The following MANBA variants were observed in gnomAD, a reference collection of about 807,000 sequenced individuals.
MANBA encodes mannosidase beta.
MANBA carries 83 observed loss-of-function variants against 111.1 expected under a neutral mutation model. The ratio of observed to expected loss-of-function variants is 0.75; its 90% CI spans 0.63 to 0.90. MANBA has a LOEUF of 0.90. Ranked by LOEUF, MANBA falls within the 40% of genes least tolerant of loss-of-function variation. MANBA has a pLI of 0.00. For missense variants in MANBA, 1,036 were observed against 1,069.0 expected, an observed-to-expected ratio of 0.97 and a Z score of 0.43; for synonymous variants, 370 against 378.7, an observed-to-expected ratio of 0.98 and a Z score of 0.27.
At position 102,634,044 on chromosome 4, in the gene MANBA, G is replaced by T. The variant is rs376793528; in HGVS notation, c.2415+744C>A. On this transcript the variant is annotated intron_variant, in intron 16 of 16. Transcript: ENST00000647097. ...AACAGAGAATGTAACTTTCTAGAAAGATATTTCCTGAGTGTCCAGAAGATA... is the reference window on the plus strand; with the variant it reads ...AACAGAGAATGTAACTTTCTAGAAATATATTTCCTGAGTGTCCAGAAGATA... Among the ~76,000 whole-genome samples the T allele has an allele frequency of 7.2e-5, 11 of 152,268 alleles. 1 individual carries two copies. The East Asian group carries it at 1.3e-3, about 19-fold the overall frequency.
At chr4:102,692,813 C>A (rs1418548488) in intron 5 of MANBA, among the ~76,000 whole-genome samples, 1 of 151,672 alleles carries the variant, frequency 6.6e-6, no homozygotes, top group Non-Finnish European at 1.5e-5. Flanking sequence ...TCTTAGAGAC[C>A]TTTCTCCTAC....
intron 7 of MANBA, among the ~76,000 whole-genome samples, chr4:102,689,359 A>AAAAT (rs1553948208): frequency 1.3e-4 from 13 of 100,406 alleles, no homozygotes; most frequent in African/African-American, 4.1e-4. Flanking sequence ...AAAAAAAAAA[A>AAAAT]ATATATATAT....
chr4:102,641,778 G>A (rs1204254801), intron 13 of MANBA, among the ~76,000 whole-genome samples: 2 of 151,542 alleles, frequency 1.3e-5, no homozygotes, highest in East Asian at 1.9e-4. Context: ...ATTTTTTCCT[G>A]GTTTAATAGG....
intron 5 of MANBA, among the ~76,000 whole-genome samples, chr4:102,693,844 C>CA (rs33928017): frequency 1.3e-5 from 2 of 151,990 alleles, no homozygotes; most frequent in African/African-American, 4.8e-5. Context: ...TCTCTAATGA[C>CA]AAAAAAACCT....
At chr4:102,661,290 C>A (rs1398292187) in intron 11 of MANBA, among the ~76,000 whole-genome samples, 1 of 152,280 alleles carries the variant, frequency 6.6e-6, no homozygotes. Flanking sequence ...CCACATAGTT[C>A]CCAGCATTTT....
chr4:102,638,135 A>T (rs1310664587), intron 14 of MANBA, among the ~76,000 whole-genome samples: 1 of 152,108 alleles, frequency 6.6e-6, no homozygotes, highest in Non-Finnish European at 1.5e-5. Context: ...TTAACAAAGC[A>T]CTTTTAGGCC....
At chr4:102,676,030 G>A (rs1490244959) in intron 7 of MANBA, among the ~76,000 whole-genome samples, 1 of 152,068 alleles carries the variant, frequency 6.6e-6, no homozygotes, top group African/African-American at 2.4e-5. Flanking sequence ...CTATATCTGA[G>A]GATGCTGAAA....
chr4:102,728,726 G>A, intron 1 of MANBA: 2 of 772,054 alleles, frequency 2.6e-6, no homozygotes, highest in South Asian at 3.2e-5. Flanking sequence ...GGGCAGGCTG[G>A]GAGGGGCTGC....
chr4:102,674,140 CA>C, intron 7 of MANBA, 70 bp from the exon 8 acceptor site: 2 of 1,268,086 alleles, frequency 1.6e-6, no homozygotes, highest in Non-Finnish European at 2.3e-6. Flanking sequence ...TTAAAAAAAG[CA>C]GACCTTTTTG....
rs1237648009 is a variant in MANBA at position 102,632,145 on chromosome 4, C to T, written c.2552G>A (p.Arg851Gln). The T allele has an allele frequency of 6.8e-6, 11 of 1,613,358 alleles. No individual in the cohort carries two copies. In the East Asian group the frequency reaches 8.9e-5, roughly 13 times the overall value. Residue 851 changes from arginine (R) to glutamine (Q), a missense_variant, in exon 17 of 17, where the codon CGA (arginine) becomes CAA (glutamine). Coordinates refer to ENST00000647097, the MANE Select transcript of MANBA (RefSeq NM_005908.4). ...DNGFLMTEKT[R>Q]TILFYPWEPT... is the part of the protein sequence containing the mutation. ...CTCCCAAGGGTAAAATAATATAGTT[C>T]GTGTCTTCTCAGTCATGAGGAAACC...
intron 4 of MANBA, among the ~76,000 whole-genome samples, chr4:102,717,254 A>G (rs1722376281): frequency 2.0e-5 from 3 of 152,136 alleles, no homozygotes; most frequent in African/African-American, 7.2e-5. Context: ...CAAGCACGAA[A>G]TTCAAGCATT....
intron 2 of MANBA, 77 bp from the exon 3 acceptor site, chr4:102,724,044 G>A: frequency 1.3e-6 from 1 of 780,260 alleles, no homozygotes. Flanking sequence ...ATTATTTAAG[G>A]CCTAAAGAAA....
At chr4:102,746,633 A>G (rs1380361036) in intron 1 of MANBA, among the ~76,000 whole-genome samples, 1 of 152,200 alleles carries the variant, frequency 6.6e-6, no homozygotes, top group Non-Finnish European at 1.5e-5. Flanking sequence ...ATAACTCTCT[A>G]AACAGTTCAT....
intron 14 of MANBA, 21 bp downstream of exon 14, chr4:102,639,692 A>G (rs1478099647): frequency 1.2e-6 from 2 of 1,614,058 alleles, no homozygotes; most frequent in Non-Finnish European, 1.7e-6. Flanking sequence ...TCACTCGCAC[A>G]AAGAACGCTG....
At chr4:102,758,306 A>G (rs1398848177) in intron 1 of MANBA, among the ~76,000 whole-genome samples, 1 of 152,216 alleles carries the variant, frequency 6.6e-6, no homozygotes, top group East Asian at 1.9e-4. Context: ...GCCACATTAG[A>G]GGTACAAAAT....
chr4:102,730,360 G>C, intron 1 of MANBA: 1 of 503,394 alleles, frequency 2.0e-6, no homozygotes. Flanking sequence ...CTGGAGGGCT[G>C]TAAGCAGGGT....
intron 5 of MANBA, among the ~76,000 whole-genome samples, chr4:102,695,060 G>A (rs1275980532): frequency 6.6e-6 from 1 of 152,160 alleles, no homozygotes; most frequent in African/African-American, 2.4e-5. Flanking sequence ...TGTCTGACCT[G>A]GATGGGAATT....
At chr4:102,722,679 A>C (rs900418529) in intron 4 of MANBA, 192 bp downstream of exon 4, 1 of 630,516 alleles carries the variant, frequency 1.6e-6, no homozygotes, top group African/African-American at 1.8e-5. Flanking sequence ...GAAAACTTAG[A>C]AAAAGATAAA....
chr4:102,689,120 CAGT>C (rs2110241876), intron 7 of MANBA, among the ~76,000 whole-genome samples: 1 of 152,238 alleles, frequency 6.6e-6, no homozygotes, highest in South Asian at 2.1e-4. Context: ...GAGGCCAAGG[CAGT>C]AGATCACTTG....
Sources: gnomAD v4.1 joint callset for allele counts (sites outside exome capture counted in the v4.1 genomes callset) on GRCh38, gnomAD v4.1.1 for gene constraint, MANE v1.5 for transcripts, NCBI Gene and HGNC (gene_info 2026-07-23, HGNC 2026-07-21) for gene names.